DCC: variants seen among roughly 807,000 people sequenced by gnomAD.
DCC encodes netrin receptor DCC.
In DCC, 58 loss-of-function variants were observed where a neutral mutation model predicts 172.5. The observed-to-expected ratio is 0.34, with a 90% CI of 0.27 to 0.42. The LOEUF is 0.42. Ranked by LOEUF, DCC falls within the 10% of genes least tolerant of loss-of-function variation. DCC has a pLI of 1.00. For missense variants in DCC, 1,740 were observed against 1,791.0 expected, an observed-to-expected ratio of 0.97 and a Z score of 0.51; for synonymous variants, 709 against 644.5, an observed-to-expected ratio of 1.10 and a Z score of -1.52.
Position 52,752,350 on chromosome 18 carries a change from C to A in DCC, c.388C>A (p.Arg130=), listed in dbSNP as rs2037009086. The part of the protein sequence containing the change: ...SLGDSGSIIS[R]TAKVAVAGPL... ...AGGAGATTCTGGCTCAATTATTAGT[C>A]GGACAGCAAAAGTTGCAGTAGCAGG... is the stretch of plus-strand genomic sequence containing the variant. Residue 130 remains arginine, a synonymous_variant, in exon 2 of 29, where the codon CGG becomes AGG. Transcript: ENST00000442544. 1.2e-6 allele frequency: 2 copies of A among 1,613,948 alleles called. No individual in the cohort carries two copies. Among genetic ancestry groups the A allele is most frequent in the African/African-American group, 1.3e-5 (1 of 74,920 alleles).
intron 5 of DCC, among the ~76,000 whole-genome samples, chr18:53,041,176 G>A (rs1368684779): frequency 1.5e-4 from 23 of 151,974 alleles, no homozygotes; most frequent in Admixed American, 1.5e-3. Context: ...AATCCGACTT[G>A]AATTAATTTT....
chr18:52,751,996 C>G, intron 1 of DCC, 58 bp from the exon 2 acceptor site: 2 of 1,443,066 alleles, frequency 1.4e-6, no homozygotes, highest in Non-Finnish European at 1.9e-6. Flanking sequence ...GACAGGGAAT[C>G]TAAGCCTGAG....
At chr18:53,474,068 A>G (rs1053696768) in intron 25 of DCC, among the ~76,000 whole-genome samples, 2 of 152,170 alleles carry the variant, frequency 1.3e-5, no homozygotes, top group African/African-American at 2.4e-5. Flanking sequence ...ATGGTTTTAA[A>G]CCATCACATA....
intron 1 of DCC, among the ~76,000 whole-genome samples, chr18:52,504,558 T>A (rs1008305169): frequency 3.9e-5 from 6 of 152,216 alleles, no homozygotes; most frequent in African/African-American, 1.4e-4. Context: ...TAGAGTCATA[T>A]TGGCTTGGTT....
intron 1 of DCC, among the ~76,000 whole-genome samples, chr18:52,585,795 C>T (rs934412358): frequency 6.6e-6 from 1 of 152,134 alleles, no homozygotes; most frequent in Admixed American, 6.5e-5. Flanking sequence ...AGAATACCAA[C>T]ACTGTCGGCC....
intron 7 of DCC, among the ~76,000 whole-genome samples, chr18:53,079,643 T>C (rs2042770633): frequency 6.6e-6 from 1 of 152,082 alleles, no homozygotes; most frequent in Admixed American, 6.6e-5. Context: ...GTGCAAGATA[T>C]AGGGGTAAGA....
chr18:52,512,879 G>A (rs1372623), intron 1 of DCC, among the ~76,000 whole-genome samples: 147,648 of 152,320 alleles, frequency 0.97, 71,741 homozygotes, highest in Middle Eastern at 1. Flanking sequence ...ACAAAAATAT[G>A]AAAAACCCTG....
intron 15 of DCC, among the ~76,000 whole-genome samples, chr18:53,370,429 A>T (rs1409483806): frequency 6.6e-6 from 1 of 151,414 alleles, no homozygotes; most frequent in East Asian, 1.9e-4. Flanking sequence ...CCATTTTCCT[A>T]TTCTCTATTT....
intron 5 of DCC, among the ~76,000 whole-genome samples, chr18:53,036,260 G>T (rs939345581): frequency 1.3e-5 from 2 of 151,998 alleles, no homozygotes; most frequent in Admixed American, 1.3e-4. Context: ...CTACTATAAT[G>T]CTTGTTTTGA....
At chr18:52,466,846 T>C (rs1171757574) in intron 1 of DCC, among the ~76,000 whole-genome samples, 3 of 152,152 alleles carry the variant, frequency 2.0e-5, no homozygotes, top group African/African-American at 7.2e-5. Flanking sequence ...AAGCATTTCA[T>C]ATACACTTGT....
chr18:53,431,376 A>G (rs985945266), intron 21 of DCC, among the ~76,000 whole-genome samples: 1 of 151,720 alleles, frequency 6.6e-6, no homozygotes, highest in Non-Finnish European at 1.5e-5. Flanking sequence ...CCCATCCTCA[A>G]TTTGTGTTAT....
chr18:53,468,777 C>A (rs1429126838), intron 25 of DCC, among the ~76,000 whole-genome samples: 1 of 152,180 alleles, frequency 6.6e-6, no homozygotes, highest in Admixed American at 6.5e-5. Context: ...CACCCACTTA[C>A]TACACACCCC....
intron 1 of DCC, among the ~76,000 whole-genome samples, chr18:52,652,530 T>C (rs1236113419): frequency 6.6e-6 from 1 of 152,170 alleles, no homozygotes; most frequent in Non-Finnish European, 1.5e-5. Flanking sequence ...ATGACTCTAA[T>C]AACATGGGAC....
intron 5 of DCC, among the ~76,000 whole-genome samples, chr18:53,028,106 C>T (rs1045684042): frequency 5.3e-5 from 8 of 152,138 alleles, no homozygotes; most frequent in Admixed American, 3.9e-4. Flanking sequence ...TACACTGTGT[C>T]CAAGTTAATA....
At chr18:53,034,666 C>A (rs1345555291) in intron 5 of DCC, among the ~76,000 whole-genome samples, 1 of 151,636 alleles carries the variant, frequency 6.6e-6, no homozygotes, top group Non-Finnish European at 1.5e-5. Flanking sequence ...TGATCCTGAT[C>A]AATCTGTCAT....
chr18:52,764,469 T>C (rs1397571245), intron 2 of DCC, among the ~76,000 whole-genome samples: 1 of 152,228 alleles, frequency 6.6e-6, no homozygotes, highest in Non-Finnish European at 1.5e-5. Context: ...TCAGAATGGC[T>C]CAGTGCCATC....
chr18:52,946,540 G>T (rs2040549089), intron 5 of DCC, among the ~76,000 whole-genome samples: 1 of 152,142 alleles, frequency 6.6e-6, no homozygotes, highest in Admixed American at 6.5e-5. Flanking sequence ...TTAGATCGTA[G>T]ATTGGGTTCA....
intron 7 of DCC, among the ~76,000 whole-genome samples, chr18:53,145,095 G>A (rs1477444479): frequency 1.4e-5 from 2 of 145,870 alleles, no homozygotes; most frequent in East Asian, 4.1e-4. Flanking sequence ...ATTAAGCTGT[G>A]AGGGCTCTGC....
chr18:52,460,885 A>G (rs1478550224), intron 1 of DCC, among the ~76,000 whole-genome samples: 1 of 152,186 alleles, frequency 6.6e-6, no homozygotes, highest in African/African-American at 2.4e-5. Context: ...ATGAATATAA[A>G]GGCCTAGGAC....
Sources: allele counts gnomAD v4.1 joint callset (sites outside exome capture counted in the v4.1 genomes callset), GRCh38; gene constraint gnomAD v4.1.1; transcripts MANE v1.5; gene names NCBI Gene and HGNC (gene_info 2026-07-23, HGNC 2026-07-21).